CFAP52: variants seen among roughly 807,000 people sequenced by gnomAD.
The protein encoded by CFAP52 is cilia and flagella associated protein 52.
A neutral mutation model predicts 70.5 loss-of-function variants in CFAP52; 57 were observed. The ratio of observed to expected loss-of-function variants is 0.81; its 90% CI spans 0.65 to 1.01. CFAP52 has a LOEUF of 1.01. CFAP52 is among the 50% of genes least tolerant of loss of function. The probability of loss-of-function intolerance (pLI) is 0.00; values close to 1 mark genes in which losing one functional copy is unlikely to be tolerated. For synonymous variants in CFAP52, 267 were observed against 292.5 expected, an observed-to-expected ratio of 0.91 and a Z score of 0.89; for missense variants, 785 against 788.5, an observed-to-expected ratio of 1.00 and a Z score of 0.05.
intron 3 of CFAP52, among the ~76,000 whole-genome samples, chr17:9,591,328 G>A (rs1272862813): frequency 2.0e-5 from 3 of 152,004 alleles, no homozygotes; most frequent in Admixed American, 1.3e-4. Flanking sequence ...TTGAGTCGCC[G>A]CTCCCGGCCT....
At chr17:9,632,853 GATCC>G in intron 9 of CFAP52, 31 bp from the exon 10 acceptor site, 1 of 1,609,762 alleles carries the variant, frequency 6.2e-7, no homozygotes, top group Non-Finnish European at 8.5e-7. Flanking sequence ...TGCATATACT[GATCC>G]TGCCTGCCTT....
intron 3 of CFAP52, among the ~76,000 whole-genome samples, chr17:9,588,146 C>T (rs1908578730): frequency 6.6e-6 from 1 of 152,214 alleles, no homozygotes; most frequent in Non-Finnish European, 1.5e-5. Context: ...CTGCGTGACT[C>T]AGCAAGTTTA....
intron 3 of CFAP52, among the ~76,000 whole-genome samples, chr17:9,588,021 T>C (rs1567621026): frequency 6.6e-6 from 1 of 152,182 alleles, no homozygotes; most frequent in Non-Finnish European, 1.5e-5. Context: ...GCCTGAGCTC[T>C]AAGAGTTATA....
At chr17:9,624,116 T>A (rs1289157719) in intron 8 of CFAP52, among the ~76,000 whole-genome samples, 1 of 152,214 alleles carries the variant, frequency 6.6e-6, no homozygotes, top group Non-Finnish European at 1.5e-5. Flanking sequence ...ATTTTTTCTT[T>A]GCTTTTGTCT....
chr17:9,614,270 C>G (rs1909824765), intron 8 of CFAP52, among the ~76,000 whole-genome samples: 1 of 151,704 alleles, frequency 6.6e-6, no homozygotes, highest in African/African-American at 2.4e-5. Flanking sequence ...ATTCTCCCAC[C>G]TCAGCCTCCT....
intron 9 of CFAP52, among the ~76,000 whole-genome samples, chr17:9,630,545 T>C (rs1257907614): frequency 6.7e-6 from 1 of 148,392 alleles, no homozygotes; most frequent in Non-Finnish European, 1.5e-5. Context: ...TTCTCCTGCC[T>C]CAGCCTCCCG....
rs1567634119 is a variant in CFAP52, at chr17:9,629,500, C to CTTTCTTTCTTTCTTTT, written c.1174+683_1174+684insCTTTCTTTCTTTTTTT. On this transcript the variant is annotated intron_variant, in intron 9 of 13. Coordinates refer to ENST00000352665, the MANE Select transcript of CFAP52 (RefSeq NM_145054.5). ...CTTTCTTTCTTTCTTTCTTTCTTTTCTTTTCTTTCTTTCTTTCTTCTTTCT... is the reference window on the plus strand; with the variant it reads ...CTTTCTTTCTTTCTTTCTTTCTTTTCTTTCTTTCTTTCTTTTTTTTCTTTCTTTCTTTCTTCTTTCT... 9.7e-5 allele frequency among the ~76,000 whole-genome samples: 13 copies of CTTTCTTTCTTTCTTTT among 133,578 alleles called. No individual in the cohort carries two copies. In the South Asian group the frequency reaches 1.1e-3, roughly 11 times the overall value. The allele number at this position is 133,578 out of a possible 152,430, so 87.6% of individuals were successfully genotyped here. A position where few individuals can be genotyped will look rare whatever the true frequency, so the allele number is the denominator to read the frequency against.
chr17:9,631,123 T>C (rs752697039), intron 9 of CFAP52, among the ~76,000 whole-genome samples: 5 of 147,884 alleles, frequency 3.4e-5, no homozygotes, highest in Non-Finnish European at 7.5e-5. Flanking sequence ...AGTCAGAATT[T>C]GCCATATTTA....
intron 4 of CFAP52, among the ~76,000 whole-genome samples, chr17:9,596,059 G>GTGTGTGTATGTATATA (rs1555541607): frequency 3.5e-5 from 3 of 85,212 alleles, no homozygotes; most frequent in Non-Finnish European, 7.0e-5. Flanking sequence ...ATATGTGTGT[G>GTGTGTGTATGTATATA]TATATATATA....
At chr17:9,586,949 T>C (rs1216102845) in intron 3 of CFAP52, 115 bp downstream of exon 3, 2 of 1,263,740 alleles carry the variant, frequency 1.6e-6, no homozygotes, top group African/African-American at 1.5e-5. Context: ...GGGTTTGTTG[T>C]ACAGATTATT....
rs1907963092 is a variant in CFAP52, at chr17:9,576,732, G to A, written c.37G>A (p.Glu13Lys). 1 of 1,612,688 alleles carries A rather than the reference G, an allele frequency of 6.2e-7. No individual in the cohort carries two copies. The highest frequency in any genetic ancestry group is 1.7e-4 in the Middle Eastern group (1 of 6,054). Residue 13 changes from glutamate to lysine, a missense_variant, in exon 1 of 14, where the codon GAG (glutamate) becomes AAG (lysine). Physicochemically the swap from Glu to Lys is moderately conservative, Grantham distance 56. Transcript: ENST00000352665. ...NKISPEAQVA[E>K]LELDAVIGFN... ...AATTTCGCCGGAGGCCCAAGTGGCG[G>A]AGCTGGAACTTGACGCCGTGATCGG...
intron 13 of CFAP52, 57 bp from the exon 14 acceptor site, chr17:9,642,965 AG>A: frequency 7.2e-7 from 1 of 1,379,820 alleles, no homozygotes; most frequent in South Asian, 1.8e-5. Flanking sequence ...ATTTGAAATC[AG>A]GGCTGTTTCT....
chr17:9,621,814 T>G (rs1352771250), intron 8 of CFAP52, among the ~76,000 whole-genome samples: 2 of 131,000 alleles, frequency 1.5e-5, no homozygotes, highest in Non-Finnish European at 3.2e-5. Flanking sequence ...TGAGATCACA[T>G]GGACACAGGA....
At chr17:9,611,501 C>T (rs540555328) in intron 7 of CFAP52, among the ~76,000 whole-genome samples, 180 of 152,026 alleles carry the variant, frequency 1.2e-3, no homozygotes, top group Non-Finnish European at 2.0e-3. Context: ...ACTATAGGTG[C>T]GCACCACCAC....
intron 8 of CFAP52, among the ~76,000 whole-genome samples, chr17:9,622,552 A>AG (rs1555543658): frequency 1.5e-4 from 23 of 151,482 alleles, no homozygotes; most frequent in East Asian, 1.4e-3. Flanking sequence ...ATTAAAAAAA[A>AG]AAGAAGAAGA....
chr17:9,638,727 G>A lies in CFAP52; in HGVS notation c.1575+16G>A. On this transcript the variant is annotated intron_variant, in intron 12 of 13. Coordinates refer to ENST00000352665, the MANE Select transcript of CFAP52 (RefSeq NM_145054.5). The stretch of plus-strand genomic sequence containing the variant: ...AGACAGAAAGGTGAGTCCTCCCAGT[G>A]AGAGATGAGATCTTTCCAGCGCAAG... 1 of 1,611,770 alleles carries A rather than the reference G, an allele frequency of 6.2e-7. No individual in the cohort carries two copies. Among genetic ancestry groups the A allele is most frequent in the East Asian group, 2.2e-5 (1 of 44,874 alleles).
At chr17:9,631,333 T>C (rs544832337) in intron 9 of CFAP52, among the ~76,000 whole-genome samples, 1 of 152,132 alleles carries the variant, frequency 6.6e-6, no homozygotes, top group Non-Finnish European at 1.5e-5. Context: ...CTGACTCTTA[T>C]GTCTGCCTGA....
chr17:9,596,059 G>GTGTGTATA (rs1555541607), intron 4 of CFAP52, among the ~76,000 whole-genome samples: 19 of 85,208 alleles, frequency 2.2e-4, no homozygotes, highest in African/African-American at 6.7e-4. Flanking sequence ...ATATGTGTGT[G>GTGTGTATA]TATATATATA....
intron 1 of CFAP52, among the ~76,000 whole-genome samples, chr17:9,578,291 C>G (rs574244314): frequency 1.1e-4 from 16 of 152,116 alleles, no homozygotes; most frequent in Non-Finnish European, 2.2e-4. Flanking sequence ...AAGGCCTTTT[C>G]AGGACATGAC....
Sources: gnomAD v4.1 joint callset for allele counts (sites outside exome capture counted in the v4.1 genomes callset) on GRCh38, gnomAD v4.1.1 for gene constraint, MANE v1.5 for transcripts, NCBI Gene and HGNC (gene_info 2026-07-23, HGNC 2026-07-21) for gene names.